EPHA5: variants seen among roughly 807,000 people sequenced by gnomAD.
EPHA5 encodes ephrin type-A receptor 5.
Under a neutral mutation model 105.0 loss-of-function variants are expected in EPHA5, and 60 were observed. The ratio of observed to expected loss-of-function variants is 0.57; its 90% confidence interval spans 0.46 to 0.71. EPHA5 has a LOEUF of 0.71. Among genes scored for constraint, EPHA5 ranks in the 30% least tolerant of loss-of-function variants. EPHA5 has a pLI of 0.00. For missense variants in EPHA5, 1,218 were observed against 1,274.7 expected (o/e 0.96, Z 0.68); for synonymous variants, 513 against 449.1 (o/e 1.14, Z -1.80).
chr4:65,348,793 G>GTGTATATATATA lies in EPHA5; in HGVS notation c.2446-591_2446-590insTATATATATACA, dbSNP rs1172722234. On this transcript the variant is annotated intron_variant, in intron 13 of 16. Transcript: ENST00000613740. ...TATGTGTGTGCATGTGTGTGTGTGT[G>GTGTATATATATA]TATATATATATATATATATATATTT... Among the ~76,000 whole-genome samples, 4 of 42,852 alleles carry GTGTATATATATA rather than the reference G, an allele frequency of 9.3e-5. 1 individual carries two copies. Among genetic ancestry groups the GTGTATATATATA allele is most frequent in the Admixed American group, 9.4e-4 (2 of 2,138 alleles). The allele number at this position is 42,852 out of a possible 152,430, so 28.1% of individuals were successfully genotyped here.
rs1730882849 is a variant in EPHA5, at chr4:65,486,367, G to A, written c.1402+4010C>T. Among the ~76,000 whole-genome samples, 6 of 151,064 alleles carry A rather than the reference G, an allele frequency of 4.0e-5. No individual in the cohort carries two copies. The South Asian group carries it at 1.3e-3, about 32-fold the overall frequency. ...TATATGTGGGATACCACATCCAAGT[G>A]CGTGTTACTGAATTTATTATGGATG... On this transcript the variant is annotated intron_variant, in intron 5 of 16. Transcript: ENST00000613740.
intron 3 of EPHA5, among the ~76,000 whole-genome samples, chr4:65,537,004 T>A (rs890184041): frequency 6.6e-6 from 1 of 151,804 alleles, no homozygotes; most frequent in African/African-American, 2.4e-5. Flanking sequence ...ATTTTCACAC[T>A]CTAATTGGGT....
chr4:65,381,338 A>G (rs1577968224), intron 8 of EPHA5, among the ~76,000 whole-genome samples: 2 of 151,874 alleles, frequency 1.3e-5, no homozygotes, highest in South Asian at 4.1e-4. Context: ...GAAAAGTAAA[A>G]TGATGGCATA....
chr4:65,571,361 T>C (rs1740162364), intron 3 of EPHA5, among the ~76,000 whole-genome samples: 1 of 150,224 alleles, frequency 6.7e-6, no homozygotes, highest in Non-Finnish European at 1.5e-5. Flanking sequence ...ATTCCCTAAA[T>C]GTCTAAATCA....
intron 7 of EPHA5, among the ~76,000 whole-genome samples, chr4:65,404,902 C>A (rs1274337571): frequency 6.6e-6 from 1 of 151,994 alleles, no homozygotes; most frequent in Non-Finnish European, 1.5e-5. Flanking sequence ...ATCTGATGAA[C>A]CCAGATGGGA....
At chr4:65,643,898 C>T (rs1298992382) in intron 1 of EPHA5, among the ~76,000 whole-genome samples, 1 of 151,924 alleles carries the variant, frequency 6.6e-6, no homozygotes, top group African/African-American at 2.4e-5. Context: ...AAACTATTCC[C>T]AAGATTGTAA....
chr4:65,638,645 A>G (rs1747371407), intron 2 of EPHA5, among the ~76,000 whole-genome samples: 2 of 152,204 alleles, frequency 1.3e-5, no homozygotes, highest in Admixed American at 1.3e-4. Flanking sequence ...AGGCTGAGGC[A>G]GGAGAATTGC....
intron 14 of EPHA5, among the ~76,000 whole-genome samples, chr4:65,338,868 A>G (rs762315572): frequency 1.4e-4 from 21 of 152,224 alleles, no homozygotes; most frequent in Non-Finnish European, 2.2e-4. Flanking sequence ...ACCAAAGTGC[A>G]ATTTAGGTGT....
At chr4:65,637,891 C>A (rs910713421) in intron 2 of EPHA5, among the ~76,000 whole-genome samples, 8 of 152,062 alleles carry the variant, frequency 5.3e-5, no homozygotes, top group Admixed American at 4.6e-4. Flanking sequence ...GAAATAATTA[C>A]AGTAAGTCTG....
At chr4:65,498,647 G>A (rs1732179533) in intron 3 of EPHA5, among the ~76,000 whole-genome samples, 1 of 151,844 alleles carries the variant, frequency 6.6e-6, no homozygotes, top group Non-Finnish European at 1.5e-5. Context: ...AGATGACTTA[G>A]TGGAAAATCG....
chr4:65,572,075 T>C (rs1382404949), intron 3 of EPHA5, among the ~76,000 whole-genome samples: 1 of 152,066 alleles, frequency 6.6e-6, no homozygotes, highest in Non-Finnish European at 1.5e-5. Flanking sequence ...GGGGTTAAGA[T>C]ATTCTTTTTT....
chr4:65,437,005 G>A (rs1725542631), intron 5 of EPHA5, among the ~76,000 whole-genome samples: 1 of 151,960 alleles, frequency 6.6e-6, no homozygotes, highest in South Asian at 2.1e-4. Flanking sequence ...TTTATTAATG[G>A]TGTGCTAATT....
At chr4:65,463,856 A>T (rs1728354601) in intron 5 of EPHA5, among the ~76,000 whole-genome samples, 1 of 152,068 alleles carries the variant, frequency 6.6e-6, no homozygotes, top group African/African-American at 2.4e-5. Flanking sequence ...TAGGGAAATA[A>T]TTTTTTAAAA....
chr4:65,538,749 C>T (rs969167332), intron 3 of EPHA5, among the ~76,000 whole-genome samples: 1 of 151,588 alleles, frequency 6.6e-6, no homozygotes, highest in East Asian at 1.9e-4. Flanking sequence ...ATGTGAACAT[C>T]GGACTAACTT....
chr4:65,576,089 A>G (rs1012320791), intron 3 of EPHA5, among the ~76,000 whole-genome samples: 1 of 74,914 alleles, frequency 1.3e-5, no homozygotes, highest in Non-Finnish European at 2.9e-5. Flanking sequence ...AAAAGAAAAG[A>G]AAAGAAAAGA....
chr4:65,516,657 TA>T (rs1336846210), intron 3 of EPHA5, among the ~76,000 whole-genome samples: 3 of 152,236 alleles, frequency 2.0e-5, no homozygotes, highest in Non-Finnish European at 2.9e-5. Context: ...TAAAGTCAGT[TA>T]TTAATTTTGG....
At chr4:65,326,202 C>A (rs1207744194) in intron 16 of EPHA5, among the ~76,000 whole-genome samples, 1 of 150,804 alleles carries the variant, frequency 6.6e-6, no homozygotes, top group Non-Finnish European at 1.5e-5. Flanking sequence ...TTTAAATTTC[C>A]TTTTATGGAT....
At chr4:65,462,093 A>C (rs1193782933) in intron 5 of EPHA5, among the ~76,000 whole-genome samples, 1 of 152,086 alleles carries the variant, frequency 6.6e-6, no homozygotes, top group Admixed American at 6.6e-5. Context: ...CTATTGGAGA[A>C]GTGTAGTCTT....
At chr4:65,429,676 T>C (rs1724792710) in intron 5 of EPHA5, among the ~76,000 whole-genome samples, 1 of 152,054 alleles carries the variant, frequency 6.6e-6, no homozygotes. Flanking sequence ...TCACTAGGAA[T>C]TGTGATATTA....
Sources: gnomAD v4.1 joint callset for allele counts (sites outside exome capture counted in the v4.1 genomes callset) on GRCh38, gnomAD v4.1.1 for gene constraint, MANE v1.5 for transcripts, NCBI Gene and HGNC (gene_info 2026-07-23, HGNC 2026-07-21) for gene names.